BNIP5: variants seen among roughly 807,000 people sequenced by gnomAD.
The protein encoded by BNIP5 is BCL2 interacting protein 5.
BNIP5 carries 61 observed loss-of-function variants against 67.3 expected under a neutral mutation model. That is an observed-to-expected ratio of 0.91 (90% CI 0.74 to 1.12). The LOEUF (loss-of-function observed/expected upper bound fraction) is 1.12, where lower values mean the gene tolerates loss of function less well. Among genes scored for constraint, BNIP5 ranks in the 50% most tolerant of loss-of-function variants. The pLI, the probability that BNIP5 is intolerant of heterozygous loss-of-function variation, is 0.00. For synonymous variants in BNIP5, 317 were observed against 319.0 expected, an observed-to-expected ratio of 0.99 and a Z score of 0.07; for missense variants, 826 against 816.3, an observed-to-expected ratio of 1.01 and a Z score of -0.14.
intron 1 of BNIP5, among the ~76,000 whole-genome samples, chr6:36,333,809 T>C (rs1771954843): frequency 2.6e-5 from 4 of 152,244 alleles, no homozygotes; most frequent in African/African-American, 9.6e-5. Flanking sequence ...TGACCAGAAA[T>C]ATTTACTGAA....
intron 7 of BNIP5, among the ~76,000 whole-genome samples, chr6:36,323,807 C>A: frequency 6.6e-6 from 1 of 152,006 alleles, no homozygotes; most frequent in East Asian, 1.9e-4. Flanking sequence ...CGAGACCAGC[C>A]TGGCCAATAT....
At chr6:36,320,061 A>G (rs1771602376) in intron 10 of BNIP5, among the ~76,000 whole-genome samples, 1 of 152,208 alleles carries the variant, frequency 6.6e-6, no homozygotes, top group Non-Finnish European at 1.5e-5. Context: ...GTGGGGAATG[A>G]AATGAGAGAA....
rs570127153 is a variant in BNIP5 at position 36,322,351 on chromosome 6, C to A, written c.1563G>T (p.Thr521=). 6.2e-7 allele frequency: 1 copy of A among 1,614,144 alleles called. No homozygotes were observed. The highest frequency in any genetic ancestry group is 8.5e-7 in the Non-Finnish European group (1 of 1,179,998). ...SEAPSQARGH[T]PEGAPQLSGA... ...CACTCAGCTGAGGTGCCCCTTCTGG[C>A]GTGTGGCCTCTAGCCTGGGAGGGTG... The change falls in exon 9 of 12, where the codon ACG becomes ACT. Residue 521 remains threonine, a synonymous_variant. Transcript: ENST00000437635.
intron 10 of BNIP5, among the ~76,000 whole-genome samples, 154 bp downstream of exon 10, chr6:36,321,001 G>C (rs202216995): frequency 6.6e-6 from 1 of 152,212 alleles, no homozygotes; most frequent in Admixed American, 6.5e-5. Flanking sequence ...TGGTCAAGTA[G>C]GTAATTCTCT....
rs567637777 is a variant in BNIP5, at chr6:36,333,058, G to A, written c.-4-2364C>T. On this transcript the variant is annotated intron_variant, in intron 1 of 11. Coordinates refer to ENST00000437635, the MANE Select transcript of BNIP5 (RefSeq NM_001010903.5). ...GGCAAAAATAAGAATCTATAATTGCGATTTCTTATGTGTGGGATCCACAGG... is the reference window on the plus strand; with the variant it reads ...GGCAAAAATAAGAATCTATAATTGCAATTTCTTATGTGTGGGATCCACAGG... Among the ~76,000 whole-genome samples, 8 of 152,222 alleles carry A rather than the reference G, an allele frequency of 5.3e-5. No individual in the cohort carries two copies. In the South Asian group the frequency reaches 6.2e-4, roughly 12 times the overall value.
Position 36,319,566 on chromosome 6 carries a change from C to A in BNIP5, c.1713G>T (p.Ser571=). ...PSFKRFFYEF[S]DSSLSKLVAT... ...CTACCAGCTTGCTGAGGGAGGAGTC[C>A]GAGAACTCGTAAAAAAACCTCTTAA... The change falls in exon 11 of 12, where the codon TCG becomes TCT. Residue 571 remains serine (S), a synonymous_variant. Transcript: ENST00000437635. 1 of 1,613,770 alleles carries A rather than the reference C, an allele frequency of 6.2e-7. No homozygotes were observed. Among genetic ancestry groups the A allele is most frequent in the Non-Finnish European group, 8.5e-7 (1 of 1,179,756 alleles).
intron 9 of BNIP5, among the ~76,000 whole-genome samples, chr6:36,321,848 C>T (rs553763648): frequency 5.3e-5 from 8 of 152,342 alleles, no homozygotes; most frequent in African/African-American, 1.7e-4. Context: ...GCTGGGATTA[C>T]AGGCACACAC....
At chr6:36,331,922 C>G (rs1466380535) in intron 1 of BNIP5, among the ~76,000 whole-genome samples, 1 of 152,140 alleles carries the variant, frequency 6.6e-6, no homozygotes, top group Non-Finnish European at 1.5e-5. Context: ...CCCCTGTGGT[C>G]TCTAGGTCCC....
chr6:36,335,284 G>A (rs1040748607), intron 1 of BNIP5, among the ~76,000 whole-genome samples: 1 of 152,100 alleles, frequency 6.6e-6, no homozygotes, highest in Non-Finnish European at 1.5e-5. Context: ...AGATAACTTC[G>A]CGGCTCCCCT....
intron 9 of BNIP5, 29 bp downstream of exon 9, chr6:36,322,282 G>C: frequency 6.2e-7 from 1 of 1,613,476 alleles, no homozygotes; most frequent in Non-Finnish European, 8.5e-7. Flanking sequence ...CCGGGAAGCT[G>C]TCCAGGTAAG....
intron 11 of BNIP5, 125 bp from the exon 12 acceptor site, chr6:36,317,516 T>A: frequency 3.8e-6 from 3 of 795,680 alleles, no homozygotes; most frequent in Non-Finnish European, 6.7e-6. Context: ...TGGGTCTTTG[T>A]TCTTGCAACA....
rs1283499730 is a variant in BNIP5 at position 36,316,360 on chromosome 6, G to A, written c.*996C>T. On this transcript the variant is annotated 3_prime_UTR_variant, in exon 12 of 12. Transcript: ENST00000437635. Reference sequence around the variant, plus strand: ...TGAGTCAAGCTATTGAAACTGTTGAGCTATACAGAAGGCAGAGCCTCTGGC... The same window carrying A: ...TGAGTCAAGCTATTGAAACTGTTGAACTATACAGAAGGCAGAGCCTCTGGC... The A allele has an allele frequency of 7.6e-6, 3 of 397,242 alleles. No individual in the cohort carries two copies. Among genetic ancestry groups the A allele is most frequent in the Middle Eastern group, 6.2e-4 (1 of 1,602 alleles). 24.6% of individuals were successfully genotyped at this position (397,242 alleles called of 1,614,324 possible). A position where few individuals can be genotyped will look rare whatever the true frequency, so the allele number is the denominator to read the frequency against.
intron 11 of BNIP5, 94 bp downstream of exon 11, chr6:36,319,262 G>A: frequency 1.4e-6 from 2 of 1,478,528 alleles, no homozygotes; most frequent in Non-Finnish European, 1.9e-6. Flanking sequence ...GAGCAGGGGA[G>A]GGGAGAGGAG....
intron 5 of BNIP5, among the ~76,000 whole-genome samples, chr6:36,325,742 T>G (rs1771748382): frequency 6.6e-6 from 1 of 152,176 alleles, no homozygotes; most frequent in Admixed American, 6.5e-5. Context: ...TCCCCCTGCA[T>G]GAAAATATCT....
In BNIP5 at chr6:36,325,342, G is replaced by A; in HGVS notation, c.1109C>T (p.Thr370Ile). The A allele has an allele frequency of 1.2e-5, 20 of 1,614,148 alleles. No individual in the cohort carries two copies. Among genetic ancestry groups the A allele is most frequent in the Non-Finnish European group, 1.6e-5 (19 of 1,179,982 alleles). ...TCCAGGTTCCTGGCTCTCTGATGGG[G>A]TGGGAAGCACGGAGGGACCTGGAGC... ...AGAPGPSVLP[T>I]PSESQEPGEE... The change falls in exon 6 of 12, where the codon ACC becomes ATC. Residue 370 changes from threonine to isoleucine, a missense_variant. By Grantham distance (89) the Thr-to-Ile change is moderately conservative. Coordinates refer to ENST00000437635, the MANE Select transcript of BNIP5 (RefSeq NM_001010903.5).
Position 36,316,485 on chromosome 6 carries a change from C to A in BNIP5, c.*871G>T, listed in dbSNP as rs1771518184. 1 of 398,634 alleles carries A rather than the reference C, an allele frequency of 2.5e-6. No homozygotes were observed. The highest frequency in any genetic ancestry group is 4.4e-6 in the Non-Finnish European group (1 of 226,074). 24.7% of individuals were successfully genotyped at this position (398,634 alleles called of 1,614,324 possible). A position where few individuals can be genotyped will look rare whatever the true frequency, so the allele number is the denominator to read the frequency against. On this transcript the variant is annotated 3_prime_UTR_variant, in exon 12 of 12. Transcript: ENST00000437635. ...AAACTGTCATGATAAATCTACAAAT[C>A]CACAATGTCTAGGACATGAATAGTA...
chr6:36,332,176 C>T (rs924376508), intron 1 of BNIP5, among the ~76,000 whole-genome samples: 2 of 152,206 alleles, frequency 1.3e-5, no homozygotes, highest in Non-Finnish European at 2.9e-5. Context: ...GCACACAGCC[C>T]TGCTTGCTGT....
chr6:36,321,359 G>A, intron 9 of BNIP5, 140 bp from the exon 10 acceptor site: 1 of 667,534 alleles, frequency 1.5e-6, no homozygotes, highest in Non-Finnish European at 2.7e-6. Flanking sequence ...CGTTAGTTAT[G>A]ATGGACCCAG....
intron 10 of BNIP5, 53 bp downstream of exon 10, chr6:36,321,102 G>GCT (rs1771626297): frequency 8.1e-7 from 1 of 1,233,930 alleles, no homozygotes; most frequent in Non-Finnish European, 1.2e-6. Context: ...ATGGAACCCA[G>GCT]GTGGGTAGAT....
Sources: gnomAD v4.1 joint callset for allele counts (sites outside exome capture counted in the v4.1 genomes callset) on GRCh38, gnomAD v4.1.1 for gene constraint, MANE v1.5 for transcripts, NCBI Gene and HGNC (gene_info 2026-07-23, HGNC 2026-07-21) for gene names.